The following ALDH1L1 variants were observed in gnomAD, a reference collection of about 807,000 sequenced individuals.
ALDH1L1 encodes cytosolic 10-formyltetrahydrofolate dehydrogenase.
Under a neutral mutation model 101.1 loss-of-function variants are expected in ALDH1L1, and 68 were observed. That is an observed-to-expected ratio of 0.67 (90% confidence interval 0.55 to 0.82). The LOEUF is 0.82. ALDH1L1 is among the 40% of genes least tolerant of loss of function. The pLI is 0.00. For missense variants in ALDH1L1, 1,087 were observed against 1,172.7 expected (o/e 0.93, Z 1.07); for synonymous variants, 486 against 470.8 (o/e 1.03, Z -0.42).
Position 126,150,545 on chromosome 3 carries a change from G to T in ALDH1L1, c.859-14C>A, listed in dbSNP as rs761133769. 3 of 1,548,482 alleles carry T rather than the reference G, an allele frequency of 1.9e-6. No homozygotes were observed. The highest frequency in any genetic ancestry group is 1.7e-6 in the Non-Finnish European group (2 of 1,145,804). ...CTTCACCAGCAGCTGCAAAAGGAAG[G>T]ATTTCTTTTCTTTTCTTTTCTTTTT... On this transcript the variant is annotated splice_polypyrimidine_tract_variant and intron_variant, in intron 7 of 22. Transcript: ENST00000393434.
chr3:126,147,130 C>T lies in ALDH1L1; in HGVS notation c.985-204G>A, dbSNP rs148571043. On this transcript the variant is annotated intron_variant, in intron 8 of 22. Transcript: ENST00000393434. ...TGGGAAAGAAGGAGCTGCCACATCC[C>T]AGGGCCCTCTGATGCTGGCTGCTGT... Among the ~76,000 whole-genome samples the T allele has an allele frequency of 3.8e-3, 580 of 152,314 alleles. 3 individuals carry two copies. The highest frequency in any genetic ancestry group is 0.017 in the Middle Eastern group (5 of 294).
chr3:126,146,229 A>T (rs1576455918), intron 9 of ALDH1L1, among the ~76,000 whole-genome samples: 1 of 151,760 alleles, frequency 6.6e-6, no homozygotes, highest in African/African-American at 2.4e-5. Flanking sequence ...CTGTTCTGTG[A>T]CTCATTTTGG....
rs776251824 is a variant in ALDH1L1 at position 126,135,518 on chromosome 3, A to G, written c.1472+17T>C. 5 of 1,600,928 alleles carry G rather than the reference A, an allele frequency of 3.1e-6. No homozygotes were observed. The South Asian group carries it at 4.5e-5, about 14-fold the overall frequency. On this transcript the variant is annotated intron_variant, in intron 12 of 22. Coordinates refer to ENST00000393434, the MANE Select transcript of ALDH1L1 (RefSeq NM_012190.4). Reference sequence around the variant, plus strand: ...CTGATGGTGGCAGTGGCTGGCAGGTACATGTTGGGCTCCCACCTGTACATC... The same window carrying G: ...CTGATGGTGGCAGTGGCTGGCAGGTGCATGTTGGGCTCCCACCTGTACATC...
At position 126,105,815 on chromosome 3, in the gene ALDH1L1, G is replaced by T; in HGVS notation, c.2564C>A (p.Ala855Glu). The stretch of plus-strand genomic sequence containing the variant: ...GTACGTGTTGACAAACACAGTGCCT[G>T]CCTGGAGCTTGTCACTGACATACAG... ...KALYVSDKLQ[A>E]GTVFVNTYNK... Residue 855 changes from alanine (A) to glutamate (E), a missense_variant, in exon 22 of 23, where the codon GCA becomes GAA. Transcript: ENST00000393434. 6.2e-7 allele frequency: 1 copy of T among 1,614,228 alleles called. No individual in the cohort carries two copies. The highest frequency in any genetic ancestry group is 1.1e-5 in the South Asian group (1 of 91,086).
At position 126,160,874 on chromosome 3, in the gene ALDH1L1, C is replaced by A. The variant is rs753061629; in HGVS notation, c.106G>T (p.Asp36Tyr). ...VVGVFTVPDKDGKADPLGLEA... is the reference protein window; with the variant it reads ...VVGVFTVPDKYGKADPLGLEA... ...TCACCCAGGGGGTCGGCCTTTCCAT[C>A]CTTGTCTGGAACAGTGAACACACCC... is the stretch of plus-strand genomic sequence containing the variant. Residue 36 changes from aspartate (D) to tyrosine (Y), a missense_variant, in exon 2 of 23, where the codon GAT (aspartate) becomes TAT (tyrosine). By Grantham distance (160) the Asp-to-Tyr change is radical. This residue lies in a region of ALDH1L1 where 645 missense variants were observed against 637.0 expected (regional missense o/e 1.01). Coordinates refer to ENST00000393434, the MANE Select transcript of ALDH1L1 (RefSeq NM_012190.4). 6.2e-7 allele frequency: 1 copy of A among 1,614,200 alleles called. No individual in the cohort carries two copies. Among genetic ancestry groups the A allele is most frequent in the Non-Finnish European group, 8.5e-7 (1 of 1,180,004 alleles).
chr3:126,131,089 A>G (rs1226151244), intron 13 of ALDH1L1, among the ~76,000 whole-genome samples: 2 of 152,078 alleles, frequency 1.3e-5, no homozygotes, highest in African/African-American at 4.8e-5. Flanking sequence ...ACGGAACTGA[A>G]CTCTGTCAAC....
chr3:126,131,576 G>A, intron 12 of ALDH1L1, 42 bp from the exon 13 acceptor site: 9 of 1,580,180 alleles, frequency 5.7e-6, no homozygotes, highest in African/African-American at 1.3e-5. Context: ...CTCAGGCCTG[G>A]CACGGCCTCA....
intron 16 of ALDH1L1, among the ~76,000 whole-genome samples, chr3:126,119,995 G>A (rs1411084678): frequency 1.3e-5 from 2 of 152,270 alleles, no homozygotes; most frequent in African/African-American, 4.8e-5. Context: ...TGGGATGGAT[G>A]TGGAGCAACA....
upstream of ALDH1L1, among the ~76,000 whole-genome samples, chr3:126,186,387 G>A (rs1006012927): frequency 8.5e-5 from 13 of 152,150 alleles, no homozygotes; most frequent in South Asian, 2.1e-4. Flanking sequence ...AGGATTCAGC[G>A]CAGGCATGTG....
chr3:126,157,486 T>C lies in ALDH1L1; in HGVS notation c.385A>G (p.Lys129Glu). The C allele has an allele frequency of 6.2e-7, 1 of 1,613,850 alleles. No homozygotes were observed. The highest frequency in any genetic ancestry group is 1.1e-5 in the South Asian group (1 of 91,036). Residue 129 changes from lysine (K) to glutamate (E), a missense_variant, in exon 4 of 23, where the codon AAA becomes GAA. This residue lies in a region of ALDH1L1 where 645 missense variants were observed against 637.0 expected (regional missense o/e 1.01). Transcript: ENST00000393434. ...INWTLIHGDK[K>E]GGFSIFWADD... ...GCCCAGAAGATGGAAAACCCCCCTT[T>C]CTTATCTCCGTGAATGAGGGTCCTA...
chr3:126,169,233 G>A (rs1490922350), intron 1 of ALDH1L1, among the ~76,000 whole-genome samples: 1 of 152,152 alleles, frequency 6.6e-6, no homozygotes, highest in Non-Finnish European at 1.5e-5. Context: ...CTTGTCTTAA[G>A]CTAGCTACAG....
At chr3:126,176,557 A>C (rs981725698) in intron 1 of ALDH1L1, among the ~76,000 whole-genome samples, 2 of 152,202 alleles carry the variant, frequency 1.3e-5, no homozygotes, top group African/African-American at 4.8e-5. Context: ...TTTGACAAAG[A>C]GACAAAGGCA....
At chr3:126,179,350 T>A (rs1018625453) in intron 1 of ALDH1L1, among the ~76,000 whole-genome samples, 9 of 152,228 alleles carry the variant, frequency 5.9e-5, no homozygotes, top group Non-Finnish European at 7.3e-5. Context: ...CCCTCTGTTC[T>A]GGTGCTAGGG....
upstream of ALDH1L1, among the ~76,000 whole-genome samples, chr3:126,186,412 A>G (rs1187612938): frequency 6.6e-6 from 1 of 152,220 alleles, no homozygotes; most frequent in Non-Finnish European, 1.5e-5. Flanking sequence ...ACAAGTGAGC[A>G]GAACGTGGCA....
chr3:126,128,312 C>G (rs913155564), intron 14 of ALDH1L1: 1 of 152,172 alleles, frequency 6.6e-6, no homozygotes, highest in South Asian at 2.1e-4. Context: ...CTGCATGGCT[C>G]CTTCACCTGG....
chr3:126,119,194 C>T (rs1462686831), intron 16 of ALDH1L1, among the ~76,000 whole-genome samples: 1 of 152,196 alleles, frequency 6.6e-6, no homozygotes, highest in East Asian at 1.9e-4. Flanking sequence ...CACAGGCTTC[C>T]AAGGGCCATC....
intron 17 of ALDH1L1, among the ~76,000 whole-genome samples, chr3:126,116,996 A>G (rs1484151729): frequency 1.3e-5 from 2 of 152,220 alleles, no homozygotes; most frequent in East Asian, 3.9e-4. Context: ...CAGTAGCCAC[A>G]TAGACAATGG....
At position 126,125,685 on chromosome 3, in the gene ALDH1L1, CAG is replaced by C; in HGVS notation, c.1729_1730del (p.Leu577AspfsTer47). On this transcript the variant is annotated frameshift_variant, in exon 15 of 23. Transcript: ENST00000393434. LOFTEE classifies it high-confidence loss of function. ...CAGCTGTCTTCCAGGACAGCATCAT[CAG>C]GGGATAGTTCCAGGGGATGATGATG... ...CGIIIPWNYP[L>X]MMLSWKTAAC... 2 of 1,597,624 alleles carry C rather than the reference CAG, an allele frequency of 1.3e-6. No individual in the cohort carries two copies. Among genetic ancestry groups the C allele is most frequent in the South Asian group, 2.3e-5 (2 of 88,506 alleles).
At chr3:126,105,596 C>T (rs745985178) in intron 22 of ALDH1L1, 130 bp downstream of exon 22, 34 of 1,074,866 alleles carry the variant, frequency 3.2e-5, no homozygotes, top group Middle Eastern at 3.9e-4. Context: ...CAGTAAGAAG[C>T]GAACCCTGAC....
Sources: gnomAD v4.1 joint callset for allele counts (sites outside exome capture counted in the v4.1 genomes callset) on GRCh38, gnomAD v4.1.1 for gene constraint, gnomAD v4.1.1 regional missense constraint, MANE v1.5 for transcripts, NCBI Gene and HGNC (gene_info 2026-07-23, HGNC 2026-07-21) for gene names.